MTR: variants seen among roughly 807,000 people sequenced by gnomAD.
MTR encodes 5-methyltetrahydrofolate-homocysteine methyltransferase.
A neutral mutation model predicts 154.8 loss-of-function variants in MTR; 84 were observed. The ratio of observed to expected loss-of-function variants is 0.54; its 90% CI spans 0.45 to 0.65. The LOEUF is 0.65. MTR is among the 30% of genes least tolerant of loss of function. The pLI is 0.00. For synonymous variants in MTR, 554 were observed against 553.9 expected, an observed-to-expected ratio of 1.00 and a Z score of 0.00; for missense variants, 1,275 against 1,570.2, an observed-to-expected ratio of 0.81 and a Z score of 3.18.
chr1:236,901,877 A>G lies in MTR; in HGVS notation c.*4233A>G, dbSNP rs1231181089. 2 of 152,196 alleles carry G rather than the reference A, an allele frequency of 1.3e-5. No individual in the cohort carries two copies. The highest frequency in any genetic ancestry group is 4.8e-5 in the African/African-American group (2 of 41,422). 9.4% of individuals were successfully genotyped at this position (152,196 alleles called of 1,614,324 possible). A position where few individuals can be genotyped will look rare whatever the true frequency, so the allele number is the denominator to read the frequency against. ...GATTTGGGGGATACATCAGACCATA[A>G]CACTTTTCTTTTTCTCAACCTTCAC... On this transcript the variant is annotated 3_prime_UTR_variant, in exon 33 of 33. Coordinates refer to ENST00000366577, the MANE Select transcript of MTR (RefSeq NM_000254.3).
intron 18 of MTR, among the ~76,000 whole-genome samples, chr1:236,858,268 A>G (rs1664316580): frequency 6.6e-6 from 1 of 152,196 alleles, no homozygotes; most frequent in African/African-American, 2.4e-5. Context: ...GACAGCAGAT[A>G]AGAGAGGGAA....
Position 236,889,350 on chromosome 1 carries a change from G to A in MTR, c.3007+14G>A. 1 of 1,614,120 alleles carries A rather than the reference G, an allele frequency of 6.2e-7. No individual in the cohort carries two copies. On this transcript the variant is annotated intron_variant, in intron 28 of 32. Coordinates refer to ENST00000366577, the MANE Select transcript of MTR (RefSeq NM_000254.3). ...ACAAAACAGTAGGTTAGTGCAGTAA[G>A]TCCTTCCTTTCTGCCTCTGATATTC... is the stretch of plus-strand genomic sequence containing the variant.
intron 1 of MTR, among the ~76,000 whole-genome samples, chr1:236,801,911 TA>T (rs1660720345): frequency 6.6e-6 from 1 of 152,190 alleles, no homozygotes; most frequent in African/African-American, 2.4e-5. Context: ...GGCGACTGGG[TA>T]TGGTGGTGAT....
chr1:236,872,647 G>A (rs953684366), intron 22 of MTR, among the ~76,000 whole-genome samples: 2 of 152,136 alleles, frequency 1.3e-5, no homozygotes, highest in African/African-American at 4.8e-5. Context: ...TCATTAAAAT[G>A]AGACCCATAG....
At chr1:236,895,725 A>G (rs1259139956) in intron 31 of MTR, among the ~76,000 whole-genome samples, 175 bp downstream of exon 31, 1 of 152,240 alleles carries the variant, frequency 6.6e-6, no homozygotes, top group African/African-American at 2.4e-5. Context: ...AGTATTACTG[A>G]TTAGTATTCT....
intron 3 of MTR, among the ~76,000 whole-genome samples, chr1:236,807,687 T>G (rs1174977773): frequency 6.6e-6 from 1 of 152,198 alleles, no homozygotes; most frequent in Non-Finnish European, 1.5e-5. Flanking sequence ...TGTCCCCATT[T>G]TTGTTTGGCA....
At chr1:236,832,184 T>A in intron 13 of MTR, 106 bp downstream of exon 13, 1 of 941,768 alleles carries the variant, frequency 1.1e-6, no homozygotes, top group Non-Finnish European at 1.7e-6. Flanking sequence ...GCAGAGCTGC[T>A]AGAAAGTGTG....
At chr1:236,844,345 T>C (rs1291746712) in intron 15 of MTR, among the ~76,000 whole-genome samples, 1 of 151,792 alleles carries the variant, frequency 6.6e-6, no homozygotes, top group Non-Finnish European at 1.5e-5. Flanking sequence ...CAAGAGAGAA[T>C]AGGAGAAGAA....
Position 236,901,132 on chromosome 1 carries a change from CGAGAAAG to C in MTR, c.*3489_*3495del. The C allele has an allele frequency of 6.5e-6, 1 of 152,876 alleles. No homozygotes were observed. The highest frequency in any genetic ancestry group is 3.2e-3 in the Middle Eastern group (1 of 308). The allele number at this position is 152,876 out of a possible 1,614,324, so 9.5% of individuals were successfully genotyped here. ...GAAGCCAGGAGGGAGAGTGCAATGC[CGAGAAAG>C]CAATGAAGAGCGTTTCGAAGCATGC... On this transcript the variant is annotated 3_prime_UTR_variant, in exon 33 of 33. Coordinates refer to ENST00000366577, the MANE Select transcript of MTR (RefSeq NM_000254.3).
At chr1:236,809,085 G>C (rs1661154700) in intron 4 of MTR, among the ~76,000 whole-genome samples, 1 of 152,186 alleles carries the variant, frequency 6.6e-6, no homozygotes, top group South Asian at 2.1e-4. Context: ...TGTCTCTTTG[G>C]AAGCACATCA....
At position 236,898,427 on chromosome 1, in the gene MTR, T is replaced by C. The variant is rs1442620438; in HGVS notation, c.*783T>C. On this transcript the variant is annotated 3_prime_UTR_variant, in exon 33 of 33. Coordinates refer to ENST00000366577, the MANE Select transcript of MTR (RefSeq NM_000254.3). Reference sequence around the variant, plus strand: ...TGGTTTTTTTTTTTTTGAGACAGAGTCTGGCTCTGTCGCCCAGGCTGGAGT... The same window carrying C: ...TGGTTTTTTTTTTTTTGAGACAGAGCCTGGCTCTGTCGCCCAGGCTGGAGT... 6.7e-6 allele frequency: 1 copy of C among 149,900 alleles called. No homozygotes were observed. The highest frequency in any genetic ancestry group is 1.5e-5 in the Non-Finnish European group (1 of 67,676). The allele number at this position is 149,900 out of a possible 1,614,324, so 9.3% of individuals were successfully genotyped here. A position where few individuals can be genotyped will look rare whatever the true frequency, so the allele number is the denominator to read the frequency against.
At chr1:236,816,425 A>C (rs373623172) in intron 7 of MTR, 24 bp from the exon 8 acceptor site, 232 of 1,599,882 alleles carry the variant, frequency 1.5e-4, no homozygotes, top group Middle Eastern at 9.9e-4. Context: ...TGTATTGTTG[A>C]CTTTGTTTAC....
chr1:236,878,623 A>G (rs546112575), intron 24 of MTR, among the ~76,000 whole-genome samples: 1 of 152,352 alleles, frequency 6.6e-6, no homozygotes, highest in African/African-American at 2.4e-5. Context: ...TGAAACAAAA[A>G]AAATCTCATA....
chr1:236,820,016 G>T, intron 8 of MTR: 2 of 999,620 alleles, frequency 2.0e-6, no homozygotes, highest in South Asian at 2.5e-5. Context: ...TTACTGACTC[G>T]AGGGCTGACC....
Position 236,861,169 on chromosome 1 carries a change from A to G in MTR, c.2088A>G (p.Leu696=). ...HIIEDTEEAR[L]NQKKYPRPLN... is the part of the protein sequence containing the mutation. ...TTGAGGATACTGAGGAAGCCAGGTT[A>G]AACCAAAAAAAATATCCCCGACCTC... is the stretch of plus-strand genomic sequence containing the variant. Residue 696 remains leucine, a synonymous_variant, in exon 20 of 33, where the codon TTA becomes TTG. Transcript: ENST00000366577. 2.5e-6 allele frequency: 4 copies of G among 1,603,278 alleles called. No homozygotes were observed. The highest frequency in any genetic ancestry group is 2.5e-6 in the Non-Finnish European group (3 of 1,177,998).
At chr1:236,864,402 C>T (rs1664717752) in intron 22 of MTR, among the ~76,000 whole-genome samples, 1 of 152,152 alleles carries the variant, frequency 6.6e-6, no homozygotes, top group African/African-American at 2.4e-5. Context: ...TCCATCTCTG[C>T]CTTCAAGGCT....
At chr1:236,812,396 G>A (rs946626722) in intron 5 of MTR, among the ~76,000 whole-genome samples, 7 of 152,318 alleles carry the variant, frequency 4.6e-5, no homozygotes, top group Middle Eastern at 3.4e-3. Context: ...TCTCTTAACC[G>A]GTTGATTGAA....
intron 28 of MTR, among the ~76,000 whole-genome samples, chr1:236,890,597 A>T (rs527264160): frequency 1.3e-5 from 2 of 152,282 alleles, no homozygotes; most frequent in South Asian, 4.1e-4. Context: ...TAGGGTGAGG[A>T]TGTAGCTGTC....
chr1:236,881,618 G>A (rs1262181445), intron 25 of MTR, among the ~76,000 whole-genome samples: 1 of 152,120 alleles, frequency 6.6e-6, no homozygotes, highest in African/African-American at 2.4e-5. Context: ...ACATTGTGCA[G>A]GCGAGGAAGG....
Sources: allele counts gnomAD v4.1 joint callset (sites outside exome capture counted in the v4.1 genomes callset), GRCh38; gene constraint gnomAD v4.1.1; transcripts MANE v1.5; gene names NCBI Gene and HGNC (gene_info 2026-07-23, HGNC 2026-07-21).